ZC3H11C: variants seen among roughly 807,000 people sequenced by gnomAD.
ZC3H11C encodes the protein zinc finger CCCH-type containing 11C.
chr6:65,304,992 C>CAAAAA, the ZC3H11C span: 1 of 164,108 alleles, frequency 6.1e-6, no homozygotes, highest in Non-Finnish European at 1.2e-5. Flanking sequence ...AAAAAATCGC[C>CAAAAA]AAAAAACTGG....
At chr6:65,301,581 T>C in the ZC3H11C span, among the ~76,000 whole-genome samples, 1 of 152,208 alleles carries the variant, frequency 6.6e-6, no homozygotes, top group African/African-American at 2.4e-5. Context: ...GATAGTGTCA[T>C]CGGTTCGGGT....
the ZC3H11C span, among the ~76,000 whole-genome samples, chr6:65,305,232 G>A: frequency 1.3e-5 from 2 of 152,096 alleles, no homozygotes; most frequent in East Asian, 1.9e-4. Context: ...AGACTGAGAG[G>A]GAGATCAAGT....
the ZC3H11C span, chr6:65,304,004 TC>T: frequency 9.3e-7 from 1 of 1,073,126 alleles, no homozygotes. Context: ...CAGCACCAGC[TC>T]CCCGTCTCAA....
the ZC3H11C span, among the ~76,000 whole-genome samples, chr6:65,306,266 G>A: frequency 0.055 from 8,412 of 152,254 alleles, 269 homozygotes; most frequent in South Asian, 0.092. Flanking sequence ...TGAACTTCAC[G>A]TAGCCTTGTT....
At chr6:65,305,429 G>A in the ZC3H11C span, among the ~76,000 whole-genome samples, 9 of 152,192 alleles carry the variant, frequency 5.9e-5, no homozygotes, top group African/African-American at 1.9e-4. Flanking sequence ...TACCCACTCA[G>A]TCTGTGTTAG....
the ZC3H11C span, among the ~76,000 whole-genome samples, chr6:65,301,953 A>G: frequency 6.6e-6 from 1 of 152,272 alleles, no homozygotes; most frequent in Non-Finnish European, 1.5e-5. Flanking sequence ...GACTAGTATT[A>G]AGTGTGAAGA....
At chr6:65,302,003 A>T in the ZC3H11C span, among the ~76,000 whole-genome samples, 1 of 152,120 alleles carries the variant, frequency 6.6e-6, no homozygotes, top group Non-Finnish European at 1.5e-5. Flanking sequence ...TGAAAAACTG[A>T]TTTTTTTTGT....
At chr6:65,306,110 T>C in the ZC3H11C span, among the ~76,000 whole-genome samples, 1 of 152,222 alleles carries the variant, frequency 6.6e-6, no homozygotes, top group Non-Finnish European at 1.5e-5. Context: ...ATATGTTGTA[T>C]ATAATCAGGA....
At chr6:65,306,053 G>A in the ZC3H11C span, among the ~76,000 whole-genome samples, 1 of 152,150 alleles carries the variant, frequency 6.6e-6, no homozygotes, top group African/African-American at 2.4e-5. Flanking sequence ...TCAAGGTTTA[G>A]ATTTGTGAAG....
At chr6:65,306,467 G>A in the ZC3H11C span, among the ~76,000 whole-genome samples, 2 of 151,952 alleles carry the variant, frequency 1.3e-5, no homozygotes, top group African/African-American at 4.8e-5. Flanking sequence ...GTTTCACCAC[G>A]GATTTTCTAC....
the ZC3H11C span, chr6:65,302,455 G>A: frequency 1.7e-5 from 11 of 634,768 alleles, no homozygotes; most frequent in Middle Eastern, 1.3e-3. Flanking sequence ...CTTGGAGCCT[G>A]GTCCTTGCTT....
the ZC3H11C span, among the ~76,000 whole-genome samples, chr6:65,306,300 C>T: frequency 6.6e-6 from 1 of 152,136 alleles, no homozygotes; most frequent in African/African-American, 2.4e-5. Flanking sequence ...AGGAAGAAAG[C>T]CACAGGACTG....
the ZC3H11C span, among the ~76,000 whole-genome samples, chr6:65,305,191 G>T: frequency 1.4e-4 from 21 of 151,588 alleles, no homozygotes; most frequent in East Asian, 3.9e-3. Context: ...TGAGAAAAAA[G>T]TTCTGTCATA....
At chr6:65,302,324 A>G in the ZC3H11C span, among the ~76,000 whole-genome samples, 2 of 152,206 alleles carry the variant, frequency 1.3e-5, no homozygotes, top group South Asian at 4.1e-4. Context: ...CAGGCGTAAT[A>G]GATTGGAACT....
the ZC3H11C span, among the ~76,000 whole-genome samples, chr6:65,302,033 A>G: frequency 6.6e-6 from 1 of 152,242 alleles, no homozygotes; most frequent in Admixed American, 6.5e-5. Flanking sequence ...TATATTGTTC[A>G]GCTATGGAAG....
the ZC3H11C span, among the ~76,000 whole-genome samples, chr6:65,306,402 A>T: frequency 3.3e-5 from 5 of 152,202 alleles, no homozygotes; most frequent in Non-Finnish European, 5.9e-5. Flanking sequence ...ATCCATCTTC[A>T]GCTGACTGAA....
the ZC3H11C span, among the ~76,000 whole-genome samples, chr6:65,301,643 T>G: frequency 2.0e-5 from 3 of 152,370 alleles, no homozygotes; most frequent in African/African-American, 4.8e-5. Context: ...GCCACCGACC[T>G]TATTCCGGTA....
At chr6:65,301,709 A>G in the ZC3H11C span, among the ~76,000 whole-genome samples, 2 of 152,240 alleles carry the variant, frequency 1.3e-5, no homozygotes, top group African/African-American at 2.4e-5. Context: ...TCAGCGTGGG[A>G]GTCAAGAGCA....
chr6:65,301,523 G>T, the ZC3H11C span, among the ~76,000 whole-genome samples: 2 of 152,236 alleles, frequency 1.3e-5, no homozygotes, highest in East Asian at 3.9e-4. Context: ...GACGACGGAC[G>T]GCAGCGGCCA....
Sources: allele counts gnomAD v4.1 joint callset (sites outside exome capture counted in the v4.1 genomes callset), GRCh38; gene constraint gnomAD v4.1.1; transcripts MANE v1.5; gene names NCBI Gene and HGNC (gene_info 2026-07-23, HGNC 2026-07-21).